The following DCUN1D4 variants were observed in gnomAD, a reference collection of about 807,000 sequenced individuals.
DCUN1D4 encodes DCN1-like protein 4.
Under a neutral mutation model 47.9 loss-of-function variants are expected in DCUN1D4, and 22 were observed. The ratio of observed to expected loss-of-function variants is 0.46; its 90% CI spans 0.33 to 0.66. The LOEUF is 0.66. DCUN1D4 is among the 30% of genes least tolerant of loss of function. The pLI is 0.02. For synonymous variants in DCUN1D4, 121 were observed against 112.2 expected, an observed-to-expected ratio of 1.08 and a Z score of -0.50; for missense variants, 301 against 340.8, an observed-to-expected ratio of 0.88 and a Z score of 0.92.
chr4:51,874,379 A>G lies in DCUN1D4; in HGVS notation c.245A>G (p.His82Arg). 3 of 1,605,950 alleles carry G rather than the reference A, an allele frequency of 1.9e-6. No homozygotes were observed. Among genetic ancestry groups the G allele is most frequent in the South Asian group, 2.2e-5 (2 of 90,772 alleles). Reference sequence around the variant, plus strand: ...GATTTATCTGCCAAGAAAAGTAGACATGATAGGTATGATGTAGAGACAGTA... The same window carrying G: ...GATTTATCTGCCAAGAAAAGTAGACGTGATAGGTATGATGTAGAGACAGTA... The part of the protein sequence containing the change: ...GDDLSAKKSR[H>R]DSMYRKYDST... The change falls in exon 4 of 11, where the codon CAT becomes CGT. Residue 82 changes from histidine (H) to arginine (R), a missense_variant. This residue lies in a region of DCUN1D4 where 131 missense variants were observed against 106.3 expected (regional missense o/e 1.23). Coordinates refer to ENST00000334635, the MANE Select transcript of DCUN1D4 (RefSeq NM_001040402.3).
chr4:51,897,507 T>G (rs1731450012), intron 7 of DCUN1D4, among the ~76,000 whole-genome samples: 1 of 152,248 alleles, frequency 6.6e-6, no homozygotes. Flanking sequence ...ATCTTTAATA[T>G]TGCTGGTGAA....
chr4:51,881,478 A>G (rs1322778627), intron 5 of DCUN1D4, among the ~76,000 whole-genome samples: 11 of 152,158 alleles, frequency 7.2e-5, no homozygotes, highest in South Asian at 2.1e-4. Flanking sequence ...GTGGTATGCT[A>G]TAATTATGGG....
chr4:51,846,483 T>C (rs1342091475), intron 1 of DCUN1D4, among the ~76,000 whole-genome samples: 2 of 152,242 alleles, frequency 1.3e-5, no homozygotes, highest in Non-Finnish European at 2.9e-5. Context: ...TCTCCTTTTC[T>C]GTTTTTATGT....
intron 1 of DCUN1D4, among the ~76,000 whole-genome samples, chr4:51,862,297 C>G (rs1314995209): frequency 6.6e-6 from 1 of 152,252 alleles, no homozygotes. Flanking sequence ...CAGACCTACT[C>G]AGAACTGGAT....
chr4:51,899,438 CT>C, intron 8 of DCUN1D4, 60 bp downstream of exon 8: 2 of 1,522,162 alleles, frequency 1.3e-6, no homozygotes, highest in Non-Finnish European at 8.8e-7. Flanking sequence ...TTTAAATTGC[CT>C]TTTGAGGTTA....
At chr4:51,913,449 G>T (rs185833634) in intron 10 of DCUN1D4, 57 bp downstream of exon 10, 2 of 1,575,798 alleles carry the variant, frequency 1.3e-6, no homozygotes, top group East Asian at 2.3e-5. Flanking sequence ...CATCCTCATT[G>T]GGAAAAGCCT....
At position 51,884,678 on chromosome 4, in the gene DCUN1D4, A is replaced by G. The variant is rs1410467291; in HGVS notation, c.344-1890A>G. Among the ~76,000 whole-genome samples, 3 of 152,216 alleles carry G rather than the reference A, an allele frequency of 2.0e-5. No individual in the cohort carries two copies. In the East Asian group the frequency reaches 5.8e-4, roughly 29 times the overall value. ...ACTCTTGCTCTTGAGTTTAGAGGGAAAGACAGATGAGCTGGGACTTTGAAT... is the reference window on the plus strand; with the variant it reads ...ACTCTTGCTCTTGAGTTTAGAGGGAGAGACAGATGAGCTGGGACTTTGAAT... On this transcript the variant is annotated intron_variant, in intron 5 of 10. Transcript: ENST00000334635.
At chr4:51,895,673 A>C (rs1731163233) in intron 7 of DCUN1D4, among the ~76,000 whole-genome samples, 1 of 151,762 alleles carries the variant, frequency 6.6e-6, no homozygotes, top group South Asian at 2.1e-4. Flanking sequence ...TTTCCTGGGT[A>C]ATAGGGGAAA....
intron 5 of DCUN1D4, among the ~76,000 whole-genome samples, chr4:51,886,203 T>G (rs1332122551): frequency 2.0e-5 from 3 of 152,238 alleles, no homozygotes; most frequent in African/African-American, 7.2e-5. Context: ...TAGAGACTAT[T>G]ATGTGGTTCT....
At position 51,911,120 on chromosome 4, in the gene DCUN1D4, A is replaced by G; in HGVS notation, c.666A>G (p.Gly222=). The G allele has an allele frequency of 6.2e-7, 1 of 1,612,844 alleles. No individual in the cohort carries two copies. The highest frequency in any genetic ancestry group is 8.5e-7 in the Non-Finnish European group (1 of 1,179,572). Residue 222 remains glycine, a synonymous_variant, in exon 9 of 11, where the codon GGA becomes GGG. Transcript: ENST00000334635. The stretch of plus-strand genomic sequence containing the variant: ...TAAACACTGCCAAGTGCATGTTGGG[A>G]CTGTTATTAGGAAAAATCTGGCCCC... The part of the protein sequence containing the change: ...LDINTAKCML[G]LLLGKIWPLF...
intron 1 of DCUN1D4, chr4:51,860,743 A>G: frequency 2.4e-6 from 1 of 410,678 alleles, no homozygotes; most frequent in Non-Finnish European, 4.9e-6. Context: ...GCACTAAGCC[A>G]TGAGGGATCC....
chr4:51,894,176 AG>A (rs1468347823), intron 7 of DCUN1D4, among the ~76,000 whole-genome samples: 1 of 152,184 alleles, frequency 6.6e-6, no homozygotes, highest in Non-Finnish European at 1.5e-5. Flanking sequence ...AAAGGCATGG[AG>A]GAACCGCTTG....
chr4:51,894,868 G>C lies in DCUN1D4; in HGVS notation c.506+3017G>C, dbSNP rs1730991231. On this transcript the variant is annotated intron_variant, in intron 7 of 10. Transcript: ENST00000334635. ...AGCTATAACAGAATGTTTTAGACTG[G>C]GTGGCTTATAAATAAAATTCCAGAG... Among the ~76,000 whole-genome samples, 4 of 152,106 alleles carry C rather than the reference G, an allele frequency of 2.6e-5. No homozygotes were observed. The South Asian group carries it at 8.3e-4, about 32-fold the overall frequency.
intron 6 of DCUN1D4, among the ~76,000 whole-genome samples, chr4:51,889,678 A>G (rs1013392449): frequency 6.6e-6 from 1 of 152,148 alleles, no homozygotes; most frequent in Non-Finnish European, 1.5e-5. Context: ...GAGAATACCT[A>G]GTTTGCATTA....
At chr4:51,904,960 A>G (rs1007857495) in intron 8 of DCUN1D4, among the ~76,000 whole-genome samples, 2 of 152,164 alleles carry the variant, frequency 1.3e-5, no homozygotes, top group African/African-American at 4.8e-5. Context: ...ATGGTGGTAT[A>G]TATTAAATAT....
chr4:51,854,213 CAGTT>C (rs1446237518), intron 1 of DCUN1D4, among the ~76,000 whole-genome samples: 2 of 152,178 alleles, frequency 1.3e-5, no homozygotes, highest in Non-Finnish European at 2.9e-5. Flanking sequence ...TAGTGACTAT[CAGTT>C]AGCATACAGA....
In DCUN1D4 at chr4:51,886,650, T is replaced by A. The variant is rs1415244566; in HGVS notation, c.414+12T>A. On this transcript the variant is annotated intron_variant, in intron 6 of 10. Coordinates refer to ENST00000334635, the MANE Select transcript of DCUN1D4 (RefSeq NM_001040402.3). Reference sequence around the variant, plus strand: ...TTGAACCAGAAAACGTGAGTCAAACTTACTGAGTTGGGTGAATCAGTTGGT... The same window carrying A: ...TTGAACCAGAAAACGTGAGTCAAACATACTGAGTTGGGTGAATCAGTTGGT... 6.2e-7 allele frequency: 1 copy of A among 1,611,240 alleles called. No homozygotes were observed. The highest frequency in any genetic ancestry group is 1.1e-5 in the South Asian group (1 of 90,926).
intron 3 of DCUN1D4, among the ~76,000 whole-genome samples, chr4:51,867,810 G>T (rs987879089): frequency 5.3e-5 from 8 of 152,246 alleles, no homozygotes; most frequent in Non-Finnish European, 7.3e-5. Flanking sequence ...CAGGCTTGAA[G>T]TTGGGGATTT....
chr4:51,861,192 A>G (rs1255507538), intron 1 of DCUN1D4, among the ~76,000 whole-genome samples: 1 of 152,210 alleles, frequency 6.6e-6, no homozygotes, highest in Non-Finnish European at 1.5e-5. Context: ...GATTTGAACC[A>G]GCTGTTAGAC....
Sources: gnomAD v4.1 joint callset for allele counts (sites outside exome capture counted in the v4.1 genomes callset) on GRCh38, gnomAD v4.1.1 for gene constraint, gnomAD v4.1.1 regional missense constraint, MANE v1.5 for transcripts, NCBI Gene and HGNC (gene_info 2026-07-23, HGNC 2026-07-21) for gene names.